R3HCC1L: variants seen among roughly 807,000 people sequenced by gnomAD.
The protein encoded by R3HCC1L is R3H domain and coiled-coil containing 1 like, also known as coiled-coil domain-containing protein R3HCC1L.
Under a neutral mutation model 59.9 loss-of-function variants are expected in R3HCC1L, and 51 were observed. The observed-to-expected ratio is 0.85, with a 90% CI of 0.68 to 1.07. The LOEUF (loss-of-function observed/expected upper bound fraction) is 1.07, where lower values mean the gene tolerates loss of function less well. Among genes scored for constraint, R3HCC1L ranks in the 50% least tolerant of loss-of-function variants. R3HCC1L has a pLI of 0.00. For synonymous variants in R3HCC1L, 322 were observed against 315.2 expected, an observed-to-expected ratio of 1.02 and a Z score of -0.23; for missense variants, 965 against 933.0, an observed-to-expected ratio of 1.03 and a Z score of -0.45.
intron 5 of R3HCC1L, among the ~76,000 whole-genome samples, chr10:98,219,243 G>GT (rs1854588458): frequency 6.6e-6 from 1 of 152,056 alleles, no homozygotes; most frequent in Non-Finnish European, 1.5e-5. Context: ...CTTAAAGTCT[G>GT]TTTTATCTTA....
At chr10:98,237,672 G>T (rs745462972) in intron 9 of R3HCC1L, among the ~76,000 whole-genome samples, 2 of 152,154 alleles carry the variant, frequency 1.3e-5, no homozygotes, top group African/African-American at 2.4e-5. Context: ...ACTGTGATAA[G>T]TTTCTCCTAC....
At chr10:98,197,783 A>G (rs1851603057) in intron 4 of R3HCC1L, among the ~76,000 whole-genome samples, 1 of 152,170 alleles carries the variant, frequency 6.6e-6, no homozygotes, top group South Asian at 2.1e-4. Flanking sequence ...CTTTAATGAA[A>G]GTGTATGTAT....
intron 5 of R3HCC1L, among the ~76,000 whole-genome samples, chr10:98,212,101 G>A (rs1853649226): frequency 6.6e-6 from 1 of 152,112 alleles, no homozygotes; most frequent in Non-Finnish European, 1.5e-5. Flanking sequence ...GCAGGAAGGA[G>A]GGAAATGGAT....
intron 4 of R3HCC1L, chr10:98,174,827 A>G (rs1848842714): frequency 1.1e-6 from 1 of 932,606 alleles, no homozygotes; most frequent in African/African-American, 1.8e-5. Context: ...GAGAAAGTCT[A>G]GAAAAAAATG....
At chr10:98,150,159 C>T (rs993888524) in intron 1 of R3HCC1L, among the ~76,000 whole-genome samples, 1 of 152,116 alleles carries the variant, frequency 6.6e-6, no homozygotes, top group East Asian at 1.9e-4. Context: ...CTATTTCAAT[C>T]TCTTTGTTAA....
chr10:98,134,732 C>T (rs1361684805), intron 1 of R3HCC1L, 26 bp downstream of exon 1: 2 of 152,264 alleles, frequency 1.3e-5, no homozygotes, highest in Non-Finnish European at 1.5e-5. Flanking sequence ...GTATCCCCTC[C>T]CTCTGTACCT....
chr10:98,235,932 A>G, intron 8 of R3HCC1L, 92 bp from the exon 9 acceptor site: 1 of 1,385,920 alleles, frequency 7.2e-7, no homozygotes. Context: ...TTGTTAGTCT[A>G]TTTTGTATGT....
chr10:98,223,709 A>C (rs759852349), intron 5 of R3HCC1L, among the ~76,000 whole-genome samples: 53 of 151,998 alleles, frequency 3.5e-4, no homozygotes, highest in Non-Finnish European at 6.2e-4. Flanking sequence ...CTGTAGTAGA[A>C]CTTTGCTGGG....
At chr10:98,237,977 AACTT>A (rs963531660) in intron 9 of R3HCC1L, among the ~76,000 whole-genome samples, 17 of 152,248 alleles carry the variant, frequency 1.1e-4, no homozygotes, top group Middle Eastern at 3.4e-3. Context: ...GTAGGTAAGT[AACTT>A]ACTTACTTTC....
At chr10:98,232,314 T>C (rs994994631) in intron 6 of R3HCC1L, among the ~76,000 whole-genome samples, 3 of 152,162 alleles carry the variant, frequency 2.0e-5, no homozygotes, top group Non-Finnish European at 2.9e-5. Flanking sequence ...ATAGACAAAA[T>C]AACTCTTCTT....
At chr10:98,236,612 A>G (rs1341879299) in intron 9 of R3HCC1L, among the ~76,000 whole-genome samples, 2 of 152,246 alleles carry the variant, frequency 1.3e-5, no homozygotes, top group African/African-American at 2.4e-5. Flanking sequence ...CGTTGATGAT[A>G]ACAACTGTAG....
chr10:98,244,178 A>G lies in R3HCC1L; in HGVS notation c.*20A>G, dbSNP rs750212366. Reference sequence around the variant, plus strand: ...GTTTGAACATCACTCAATGAAAGGGATAATTCCATGAATCAGAAAATGTTT... The same window carrying G: ...GTTTGAACATCACTCAATGAAAGGGGTAATTCCATGAATCAGAAAATGTTT... On this transcript the variant is annotated 3_prime_UTR_variant, in exon 10 of 10. Coordinates refer to ENST00000298999, the MANE Select transcript of R3HCC1L (RefSeq NM_001351015.2). 1.2e-6 allele frequency: 2 copies of G among 1,606,358 alleles called. No individual in the cohort carries two copies. The highest frequency in any genetic ancestry group is 1.1e-5 in the South Asian group (1 of 90,842).
intron 5 of R3HCC1L, among the ~76,000 whole-genome samples, chr10:98,218,715 C>T (rs1352017709): frequency 6.6e-6 from 1 of 152,040 alleles, no homozygotes; most frequent in Non-Finnish European, 1.5e-5. Context: ...AGTGTAAATC[C>T]AATGTTTCTC....
intron 4 of R3HCC1L, among the ~76,000 whole-genome samples, chr10:98,168,429 A>T (rs962386849): frequency 4.6e-5 from 7 of 152,202 alleles, no homozygotes; most frequent in African/African-American, 1.7e-4. Context: ...TAGCCAGTGT[A>T]GTATAAAATA....
Position 98,169,449 on chromosome 10 carries a change from T to C in R3HCC1L, c.-15+6052T>C, listed in dbSNP as rs375020886. On this transcript the variant is annotated intron_variant, in intron 4 of 9. Coordinates refer to ENST00000298999, the MANE Select transcript of R3HCC1L (RefSeq NM_001351015.2). ...CAAATGAGATAATGTATATACAATG[T>C]TTACCACAGTCCCTGTCATGTAGTA... Among the ~76,000 whole-genome samples, 3 of 152,226 alleles carry C rather than the reference T, an allele frequency of 2.0e-5. No homozygotes were observed. The East Asian group carries it at 5.8e-4, about 29-fold the overall frequency.
At chr10:98,149,561 C>G (rs1402368562) in intron 1 of R3HCC1L, among the ~76,000 whole-genome samples, 1 of 152,156 alleles carries the variant, frequency 6.6e-6, no homozygotes, top group Non-Finnish European at 1.5e-5. Context: ...TTAGTTGTTT[C>G]AAGAAATATT....
chr10:98,141,402 T>C (rs1040136875), intron 1 of R3HCC1L, among the ~76,000 whole-genome samples: 1 of 152,160 alleles, frequency 6.6e-6, no homozygotes, highest in Non-Finnish European at 1.5e-5. Flanking sequence ...TGAGAAAAAC[T>C]TGATTTTAGG....
Position 98,208,833 on chromosome 10 carries a change from G to A in R3HCC1L, c.719G>A (p.Ser240Asn). 1.2e-6 allele frequency: 2 copies of A among 1,614,064 alleles called. No individual in the cohort carries two copies. The highest frequency in any genetic ancestry group is 8.5e-7 in the Non-Finnish European group (1 of 1,180,002). ...AATATGATTGTACCAATAAAACTAA[G>A]CTCTGATTCTGAAATTGTACAACAA... ...PENMIVPIKL[S>N]SDSEIVQQSM... The change falls in exon 5 of 10, where the codon AGC (serine) becomes AAC (asparagine). Residue 240 changes from serine to asparagine, a missense_variant. Ser to Asn is a conservative substitution (Grantham distance 46). Transcript: ENST00000298999.
chr10:98,156,427 C>G (rs1846890406), intron 2 of R3HCC1L, among the ~76,000 whole-genome samples: 1 of 152,090 alleles, frequency 6.6e-6, no homozygotes, highest in Non-Finnish European at 1.5e-5. Context: ...CGCTGGTATT[C>G]CTTCACTTCT....
Sources: gnomAD v4.1 joint callset for allele counts (sites outside exome capture counted in the v4.1 genomes callset) on GRCh38, gnomAD v4.1.1 for gene constraint, MANE v1.5 for transcripts, NCBI Gene and HGNC (gene_info 2026-07-23, HGNC 2026-07-21) for gene names.